SMS: variants seen among roughly 807,000 people sequenced by gnomAD.
SMS encodes the protein spermidine aminopropyltransferase.
A neutral mutation model predicts 33.0 loss-of-function variants in SMS; 3 were observed. That is an observed-to-expected ratio of 0.09 (90% confidence interval 0.04 to 0.23). The LOEUF (loss-of-function observed/expected upper bound fraction) is 0.23. Ranked by LOEUF, SMS falls within the 10% of genes least tolerant of loss-of-function variation. The pLI, the probability that SMS is intolerant of heterozygous loss-of-function variation, is 1.00. For synonymous variants in SMS, 103 were observed against 112.2 expected, an observed-to-expected ratio of 0.92 and a Z score of 0.52; for missense variants, 117 against 288.6, an observed-to-expected ratio of 0.41 and a Z score of 4.31.
At chrX:21,983,413 G>T (rs758218001) in intron 7 of SMS, among the ~76,000 whole-genome samples, 256 of 94,242 alleles carry the variant, frequency 2.7e-3, no homozygotes, top group African/African-American at 8.7e-3. Flanking sequence ...TTTTTTTTTT[G>T]AATTAGAAAA....
At chrX:21,976,040 C>T (rs1414366191) in intron 4 of SMS, among the ~76,000 whole-genome samples, 3 of 111,512 alleles carry the variant, frequency 2.7e-5, no homozygotes, top group African/African-American at 9.8e-5. Flanking sequence ...TTGGGTTAGA[C>T]TTGCCAAGCC....
intron 4 of SMS, among the ~76,000 whole-genome samples, chrX:21,975,911 C>A (rs1924505992): frequency 9.0e-6 from 1 of 110,663 alleles, no homozygotes; most frequent in Admixed American, 9.7e-5. Context: ...CATATCCCAG[C>A]ATTTTACATG....
At chrX:21,950,042 G>T (rs1922497864) in intron 1 of SMS, among the ~76,000 whole-genome samples, 1 of 111,612 alleles carries the variant, frequency 9.0e-6, no homozygotes, top group Admixed American at 9.6e-5. Flanking sequence ...CTTGGATCAT[G>T]CTTTGGAAAA....
intron 1 of SMS, among the ~76,000 whole-genome samples, chrX:21,961,422 A>G (rs1336186959): frequency 9.1e-6 from 1 of 110,351 alleles, no homozygotes; most frequent in Non-Finnish European, 1.9e-5. Context: ...TTGATCCAAG[A>G]CTTGTGATTG....
intron 3 of SMS, 70 bp downstream of exon 3, chrX:21,972,060 A>G (rs1924198682): frequency 4.2e-6 from 3 of 719,073 alleles, no homozygotes; most frequent in Non-Finnish European, 2.2e-6. Context: ...TGTTAAAATA[A>G]TGTTCTCTTC....
chrX:21,951,960 A>T (rs1922634283), intron 1 of SMS, among the ~76,000 whole-genome samples: 1 of 111,835 alleles, frequency 8.9e-6, no homozygotes, highest in Admixed American at 9.5e-5. Context: ...CAAGTAGATA[A>T]CCACTTTGAT....
chrX:21,987,952 G>A (rs994362138), intron 9 of SMS, among the ~76,000 whole-genome samples: 17 of 112,544 alleles, frequency 1.5e-4, no homozygotes, highest in African/African-American at 5.5e-4. Context: ...GCCCATTTGT[G>A]AATATTAATG....
chrX:21,944,544 A>AAAAAAAAAAAAAAGAAAAG (rs1555992699), intron 1 of SMS, among the ~76,000 whole-genome samples: 14 of 99,010 alleles, frequency 1.4e-4, no homozygotes, highest in African/African-American at 3.4e-4. Context: ...AAAAAAAAAA[A>AAAAAAAAAAAAAAGAAAAG]AGAAAAAAAA....
intron 1 of SMS, among the ~76,000 whole-genome samples, chrX:21,944,209 T>A (rs1273299114): frequency 9.0e-6 from 1 of 111,191 alleles, no homozygotes; most frequent in Non-Finnish European, 1.9e-5. Flanking sequence ...AAACAACTCA[T>A]CTGTGGTCAT....
intron 1 of SMS, among the ~76,000 whole-genome samples, chrX:21,956,062 G>A (rs779920017): frequency 8.9e-6 from 1 of 112,205 alleles, no homozygotes; most frequent in Admixed American, 9.4e-5. Context: ...GAAATAATTA[G>A]CAACACATTT....
intron 1 of SMS, among the ~76,000 whole-genome samples, chrX:21,943,052 G>T (rs1037371691): frequency 1.6e-4 from 18 of 110,164 alleles, no homozygotes; most frequent in African/African-American, 5.3e-4. Flanking sequence ...TCACCACGTT[G>T]GCCAGGCTGG....
In SMS at chrX:21,961,944, C is replaced by G. The variant is rs183041359; in HGVS notation, c.50-5252C>G. Among the ~76,000 whole-genome samples the G allele has an allele frequency of 1.8e-4, 20 of 112,599 alleles. No homozygotes were observed. The East Asian group carries it at 5.0e-3, about 28-fold the overall frequency. On this transcript the variant is annotated intron_variant, in intron 1 of 10. Coordinates refer to ENST00000404933, the MANE Select transcript of SMS (RefSeq NM_004595.5). ...GTCTCCTTCAAAGTAGTGTGATGAG[C>G]TCTGTTAGCATTTGAACCTGTCTTC...
At position 21,972,467 on chromosome X, in the gene SMS, G is replaced by A. The variant is rs1924236187; in HGVS notation, c.265-40G>A. On this transcript the variant is annotated intron_variant, in intron 3 of 10. Coordinates refer to ENST00000404933, the MANE Select transcript of SMS (RefSeq NM_004595.5). ...GTCTGTAATTTAGTTCTTCCATGCA[G>A]CTTATTCTACAAGCCCATTGATTTT... 11 of 936,852 alleles carry A rather than the reference G, an allele frequency of 1.2e-5. No homozygotes were observed. In the East Asian group the frequency reaches 3.4e-4, roughly 29 times the overall value. The allele number at this position is 936,852 out of a possible 1,213,427, so 77.2% of individuals were successfully genotyped here. A position where few individuals can be genotyped will look rare whatever the true frequency, so the allele number is the denominator to read the frequency against.
At chrX:21,961,685 G>A (rs1016674316) in intron 1 of SMS, among the ~76,000 whole-genome samples, 1 of 111,154 alleles carries the variant, frequency 9.0e-6, no homozygotes, top group African/African-American at 3.3e-5. Flanking sequence ...TTCATTTTAA[G>A]TTGTTGTTGA....
intron 4 of SMS, among the ~76,000 whole-genome samples, chrX:21,974,727 A>C (rs988055650): frequency 9.0e-6 from 1 of 111,038 alleles, no homozygotes; most frequent in African/African-American, 3.3e-5. Flanking sequence ...AGATCTTCAA[A>C]ATACCTTGCT....
chrX:21,943,498 A>G (rs1921970156), intron 1 of SMS, among the ~76,000 whole-genome samples: 3 of 111,653 alleles, frequency 2.7e-5, no homozygotes, highest in African/African-American at 6.5e-5. Flanking sequence ...AAAGACGTGT[A>G]TAGATCAGAA....
chrX:21,945,403 A>G (rs1201603632), intron 1 of SMS, among the ~76,000 whole-genome samples: 2 of 111,526 alleles, frequency 1.8e-5, no homozygotes, highest in Non-Finnish European at 3.8e-5. Flanking sequence ...GTGTCGCTCA[A>G]ATTCACAAAT....
At chrX:21,983,090 A>G (rs140520215) in intron 7 of SMS, among the ~76,000 whole-genome samples, 3,502 of 111,368 alleles carry the variant, frequency 0.031, 60 homozygotes, top group Non-Finnish European at 0.044. Context: ...GCTGGAGCAC[A>G]GTGGTGCGCG....
At chrX:21,967,715 G>A (rs1923838453) in intron 2 of SMS, among the ~76,000 whole-genome samples, 1 of 112,053 alleles carries the variant, frequency 8.9e-6, no homozygotes, top group South Asian at 3.7e-4. Flanking sequence ...TTACAGGTAC[G>A]CACCCAGGGA....
Sources: allele counts gnomAD v4.1 joint callset (sites outside exome capture counted in the v4.1 genomes callset), GRCh38; gene constraint gnomAD v4.1.1; transcripts MANE v1.5; gene names NCBI Gene and HGNC (gene_info 2026-07-23, HGNC 2026-07-21).